The following ZNF775 variants were observed in gnomAD, a reference collection of about 807,000 sequenced individuals.
ZNF775 encodes zinc finger protein 775.
A neutral mutation model predicts 2.4 loss-of-function variants in ZNF775; 1 was observed. The observed-to-expected ratio is 0.41, with a 90% CI of 0.15 to 1.94. The LOEUF (loss-of-function observed/expected upper bound fraction) is 1.94. Ranked by LOEUF, ZNF775 falls within the 30% of genes most tolerant of loss-of-function variation. The probability of loss-of-function intolerance (pLI) is 0.30; values close to 1 mark genes in which losing one functional copy is unlikely to be tolerated. For synonymous variants in ZNF775, 381 were observed against 373.3 expected, an observed-to-expected ratio of 1.02 and a Z score of -0.24; for missense variants, 823 against 826.6, an observed-to-expected ratio of 1.00 and a Z score of 0.05.
intron 2 of ZNF775, among the ~76,000 whole-genome samples, chr7:150,395,436 G>A (rs1286572281): frequency 6.6e-6 from 1 of 151,998 alleles, no homozygotes; most frequent in African/African-American, 2.4e-5. Flanking sequence ...AACCTTTTTG[G>A]AAAGGTGCAT....
rs1800716134 is a variant in ZNF775, at chr7:150,398,062, C to T, written c.1581C>T (p.Ala527=). 3.2e-6 allele frequency: 5 copies of T among 1,563,002 alleles called. No homozygotes were observed. Among genetic ancestry groups the T allele is most frequent in the Admixed American group, 1.8e-5 (1 of 54,238 alleles). ...AGCACCAGCGCGTGCACCGCGCGGC[C>T]CCTGCGTGCAGCCCCAAGGAGGAGG... ...LLKHQRVHRA[A]PACSPKEEAR is the part of the protein sequence containing the mutation. The change falls in exon 3 of 3, where the codon GCC becomes GCT. Residue 527 remains alanine, a synonymous_variant. Coordinates refer to ENST00000329630, the MANE Select transcript of ZNF775 (RefSeq NM_173680.4).
chr7:150,388,104 G>T (rs1257777767), intron 1 of ZNF775, among the ~76,000 whole-genome samples: 1 of 152,200 alleles, frequency 6.6e-6, no homozygotes, highest in Non-Finnish European at 1.5e-5. Context: ...AATGTTGAGG[G>T]TGTGGGCTCT....
chr7:150,387,237 G>T (rs192002713), intron 1 of ZNF775, among the ~76,000 whole-genome samples: 2 of 148,960 alleles, frequency 1.3e-5, no homozygotes, highest in Non-Finnish European at 3.0e-5. Flanking sequence ...GGTGATTGTA[G>T]CGAACTGAGA....
At chr7:150,383,255 A>G (rs1323030364) in intron 1 of ZNF775, among the ~76,000 whole-genome samples, 3 of 152,188 alleles carry the variant, frequency 2.0e-5, no homozygotes, top group African/African-American at 4.8e-5. Flanking sequence ...AGAGAATACC[A>G]TTGCCTGGTC....
chr7:150,383,618 TG>T (rs34266414), intron 1 of ZNF775, among the ~76,000 whole-genome samples: 1 of 152,000 alleles, frequency 6.6e-6, no homozygotes, highest in Non-Finnish European at 1.5e-5. Context: ...CCAGTTTCTG[TG>T]GGGGTCTCCT....
intron 1 of ZNF775, 85 bp from the exon 2 acceptor site, chr7:150,388,337 A>C: frequency 9.8e-7 from 1 of 1,022,198 alleles, no homozygotes; most frequent in Non-Finnish European, 1.5e-6. Flanking sequence ...AGAGTGCTTT[A>C]TGGGATGGGA....
Position 150,396,894 on chromosome 7 carries a change from G to A in ZNF775, c.413G>A (p.Gly138Asp). Residue 138 changes from glycine (G) to aspartate (D), a missense_variant, in exon 3 of 3, where the codon GGC becomes GAC. Physicochemically the swap from Gly to Asp is moderately conservative, Grantham distance 94. Transcript: ENST00000329630. ...ACCGGGGAGAAGCCGTACCTCTGCG[G>A]CAAGTGCGGCAAGAGCTTCAGCCAG... ...THTGEKPYLC[G>D]KCGKSFSQKP... The A allele has an allele frequency of 6.2e-7, 1 of 1,602,316 alleles. No individual in the cohort carries two copies.
chr7:150,396,038 A>C (rs1800642567), intron 2 of ZNF775, among the ~76,000 whole-genome samples: 1 of 152,182 alleles, frequency 6.6e-6, no homozygotes, highest in Admixed American at 6.5e-5. Flanking sequence ...TTTGCTTAGA[A>C]AGCTTCCAGC....
chr7:150,393,408 A>G (rs1482410871), intron 2 of ZNF775, among the ~76,000 whole-genome samples: 1 of 152,234 alleles, frequency 6.6e-6, no homozygotes, highest in Non-Finnish European at 1.5e-5. Context: ...TCTGGCAGTT[A>G]GGAATAAAGC....
chr7:150,393,502 T>C (rs1800595326), intron 2 of ZNF775, among the ~76,000 whole-genome samples: 1 of 152,160 alleles, frequency 6.6e-6, no homozygotes, highest in Admixed American at 6.5e-5. Context: ...ACTGCTGGAT[T>C]GGATGGTAAG....
intron 1 of ZNF775, among the ~76,000 whole-genome samples, chr7:150,379,660 C>G (rs2129620692): frequency 6.6e-6 from 1 of 152,114 alleles, no homozygotes; most frequent in Non-Finnish European, 1.5e-5. Context: ...GCCAGGGCAG[C>G]GAGGTTAGGA....
At position 150,398,629 on chromosome 7, in the gene ZNF775, G is replaced by A. The variant is rs1486217690; in HGVS notation, c.*534G>A. The A allele has an allele frequency of 1.3e-5, 2 of 156,388 alleles. No homozygotes were observed. The highest frequency in any genetic ancestry group is 4.8e-5 in the African/African-American group (2 of 41,484). 9.7% of individuals were successfully genotyped at this position (156,388 alleles called of 1,614,324 possible). On this transcript the variant is annotated 3_prime_UTR_variant, in exon 3 of 3. Transcript: ENST00000329630. ...GACATCCAATAAATATTTTTGGAAG[G>A]AGTGAATGGTTTGATGTCCCTCTCC...
At chr7:150,392,236 AACTT>A (rs772018826) in intron 2 of ZNF775, among the ~76,000 whole-genome samples, 12 of 152,170 alleles carry the variant, frequency 7.9e-5, no homozygotes, top group Non-Finnish European at 1.5e-4. Context: ...CTATGAATCT[AACTT>A]AAATATTTTC....
chr7:150,385,495 G>A lies in ZNF775; in HGVS notation c.-49-2927G>A, dbSNP rs776821904. Among the ~76,000 whole-genome samples, 47 of 58,644 alleles carry A rather than the reference G, an allele frequency of 8.0e-4. No individual in the cohort carries two copies. In the Admixed American group the frequency reaches 8.8e-3, roughly 11 times the overall value. The allele number at this position is 58,644 out of a possible 152,430, so 38.5% of individuals were successfully genotyped here. A position where few individuals can be genotyped will look rare whatever the true frequency, so the allele number is the denominator to read the frequency against. On this transcript the variant is annotated intron_variant, in intron 1 of 2. Transcript: ENST00000329630. ...CAATACCCCGAGTGACTGCAAAGAC[G>A]GGAGCTCTGAGCCTGCAATACCCCG...
At chr7:150,391,072 A>G (rs779637803) in intron 2 of ZNF775, among the ~76,000 whole-genome samples, 19 of 152,306 alleles carry the variant, frequency 1.2e-4, no homozygotes, top group Middle Eastern at 6.8e-3. Context: ...ACCTCTTTTT[A>G]TCACGTATAG....
At chr7:150,391,636 T>C (rs1268646348) in intron 2 of ZNF775, among the ~76,000 whole-genome samples, 1 of 152,100 alleles carries the variant, frequency 6.6e-6, no homozygotes, top group Non-Finnish European at 1.5e-5. Flanking sequence ...AGATGTAAAC[T>C]GTTTTTGCTA....
chr7:150,396,672 G>T lies in ZNF775; in HGVS notation c.191G>T (p.Gly64Val). The T allele has an allele frequency of 1.9e-6, 3 of 1,609,494 alleles. No individual in the cohort carries two copies. Among genetic ancestry groups the T allele is most frequent in the Non-Finnish European group, 2.5e-6 (3 of 1,178,756 alleles). ...ACCATGGGGCGGCCTCGAGCCCTGG[G>T]GGGACAGGAGGAGTCTGGGAGTCCA... ...RQTMGRPRAL[G>V]GQEESGSPRW... The change falls in exon 3 of 3, where the codon GGG becomes GTG. Residue 64 changes from glycine (G) to valine (V), a missense_variant. Gly to Val is a moderately radical substitution (Grantham distance 109). Transcript: ENST00000329630.
chr7:150,381,301 A>C (rs1800357523), intron 1 of ZNF775, among the ~76,000 whole-genome samples: 2 of 151,504 alleles, frequency 1.3e-5, no homozygotes, highest in South Asian at 4.2e-4. Flanking sequence ...TGAATTGGGG[A>C]CCTCTGGGAG....
Position 150,397,370 on chromosome 7 carries a change from A to T in ZNF775, c.889A>T (p.Asn297Tyr). ...GAGCTTCACCTGGTGGTCGTCGCTG[A>T]ACATCCACCAGCGCATCCACACTGG... ...GKSFTWWSSL[N>Y]IHQRIHTGER... The change falls in exon 3 of 3, where the codon AAC becomes TAC. Residue 297 changes from asparagine to tyrosine, a missense_variant. By Grantham distance (143) the Asn-to-Tyr change is moderately radical. Coordinates refer to ENST00000329630, the MANE Select transcript of ZNF775 (RefSeq NM_173680.4). 1.3e-6 allele frequency: 2 copies of T among 1,591,678 alleles called. No individual in the cohort carries two copies.
Sources: gnomAD v4.1 joint callset for allele counts (sites outside exome capture counted in the v4.1 genomes callset) on GRCh38, gnomAD v4.1.1 for gene constraint, MANE v1.5 for transcripts, NCBI Gene and HGNC (gene_info 2026-07-23, HGNC 2026-07-21) for gene names.